CHRM3: variants seen among roughly 807,000 people sequenced by gnomAD.
The protein encoded by CHRM3 is cholinergic receptor muscarinic 3, also known as muscarinic acetylcholine receptor M3.
CHRM3 carries 11 observed loss-of-function variants against 41.8 expected under a neutral mutation model. The ratio of observed to expected loss-of-function variants is 0.26; its 90% CI spans 0.17 to 0.44. The LOEUF is 0.44. Among genes scored for constraint, CHRM3 ranks in the 20% least tolerant of loss-of-function variants. The pLI is 1.00. For missense variants in CHRM3, 571 were observed against 745.4 expected, an observed-to-expected ratio of 0.77 and a Z score of 2.72; for synonymous variants, 297 against 301.4, an observed-to-expected ratio of 0.99 and a Z score of 0.15.
At chr1:239,806,491 A>G (rs1670664547) in intron 5 of CHRM3, among the ~76,000 whole-genome samples, 1 of 152,074 alleles carries the variant, frequency 6.6e-6, no homozygotes, top group South Asian at 2.1e-4. Flanking sequence ...TTGGGAGCAG[A>G]TGGGTGTGCT....
intron 3 of CHRM3, among the ~76,000 whole-genome samples, chr1:239,561,027 C>T (rs1660806578): frequency 6.6e-6 from 1 of 152,138 alleles, no homozygotes; most frequent in African/African-American, 2.4e-5. Context: ...TTGAATCAGT[C>T]TCAGAACACA....
At chr1:239,711,994 C>T (rs1407547572) in intron 5 of CHRM3, among the ~76,000 whole-genome samples, 1 of 152,158 alleles carries the variant, frequency 6.6e-6, no homozygotes, top group East Asian at 1.9e-4. Flanking sequence ...TCCCCCCAGG[C>T]TTAGATGCCT....
chr1:239,417,274 G>A (rs1661566427), intron 1 of CHRM3, among the ~76,000 whole-genome samples: 1 of 152,168 alleles, frequency 6.6e-6, no homozygotes, highest in Admixed American at 6.5e-5. Context: ...TAGACTTCAT[G>A]GTAGCATAAG....
At chr1:239,513,121 G>A (rs948784878) in intron 2 of CHRM3, among the ~76,000 whole-genome samples, 1 of 152,152 alleles carries the variant, frequency 6.6e-6, no homozygotes, top group African/African-American at 2.4e-5. Context: ...AATACCAACA[G>A]ATTTTCCAAC....
At chr1:239,617,792 G>T (rs1208710641) in intron 3 of CHRM3, among the ~76,000 whole-genome samples, 1 of 152,122 alleles carries the variant, frequency 6.6e-6, no homozygotes, top group Non-Finnish European at 1.5e-5. Flanking sequence ...CACACTGTAC[G>T]TGGTGTAGAG....
chr1:239,816,559 C>A (rs1671603643), intron 5 of CHRM3, among the ~76,000 whole-genome samples: 1 of 152,026 alleles, frequency 6.6e-6, no homozygotes, highest in Admixed American at 6.6e-5. Flanking sequence ...GCTCCCCAGG[C>A]CTGCTTGCCC....
chr1:239,826,408 C>G (rs938764172), intron 5 of CHRM3, among the ~76,000 whole-genome samples: 2 of 152,060 alleles, frequency 1.3e-5, no homozygotes, highest in Non-Finnish European at 2.9e-5. Context: ...TGCAAAGTGA[C>G]TACCTAAGAC....
At position 239,827,386 on chromosome 1, in the gene CHRM3, C is replaced by T. The variant is rs993099519; in HGVS notation, c.-20+8C>T. On this transcript the variant is annotated splice_region_variant and intron_variant, in intron 6 of 6. Transcript: ENST00000676153. ...CTCAGTTCCTGGTAGATTGTAAGTA[C>T]ACAGAAGGCATTTTTTTAATTAAAA... 1 of 152,116 alleles carries T rather than the reference C, an allele frequency of 6.6e-6. No individual in the cohort carries two copies. The highest frequency in any genetic ancestry group is 1.5e-5 in the Non-Finnish European group (1 of 68,024). The allele number at this position is 152,116 out of a possible 1,614,324, so 9.4% of individuals were successfully genotyped here. A position where few individuals can be genotyped will look rare whatever the true frequency, so the allele number is the denominator to read the frequency against.
chr1:239,782,637 T>C (rs1668591790), intron 5 of CHRM3, among the ~76,000 whole-genome samples: 1 of 152,122 alleles, frequency 6.6e-6, no homozygotes, highest in Admixed American at 6.6e-5. Flanking sequence ...TTTATTATTA[T>C]TTCTTTTCTA....
intron 3 of CHRM3, among the ~76,000 whole-genome samples, chr1:239,580,704 T>TAC (rs1553332738): frequency 0.023 from 2,989 of 131,074 alleles, 189 homozygotes; most frequent in Non-Finnish European, 0.035. Flanking sequence ...TATATATATA[T>TAC]ACACACACAC....
intron 5 of CHRM3, among the ~76,000 whole-genome samples, chr1:239,696,290 T>A (rs1660181283): frequency 6.6e-6 from 1 of 152,188 alleles, no homozygotes. Flanking sequence ...AAAAGTGCTA[T>A]CTTTTGTAAA....
chr1:239,612,623 A>G (rs1472824656), intron 3 of CHRM3, among the ~76,000 whole-genome samples: 2 of 152,310 alleles, frequency 1.3e-5, no homozygotes, highest in East Asian at 1.9e-4. Context: ...CCTGCACTCC[A>G]AGAAGCAGTG....
intron 5 of CHRM3, among the ~76,000 whole-genome samples, chr1:239,735,773 G>C (rs191830362): frequency 6.6e-6 from 1 of 152,210 alleles, no homozygotes; most frequent in Admixed American, 6.6e-5. Flanking sequence ...TCCGAAAAAT[G>C]CTGATAAATT....
Position 239,580,206 on chromosome 1 carries a change from A to G in CHRM3, c.-313+34457A>G, listed in dbSNP as rs1662736003. ...ACAGTACTTTCCCTCTTGCCCCCAT[A>G]TTTTCCCAAGTCTTTTGTAACCAGT... On this transcript the variant is annotated intron_variant, in intron 3 of 6. Coordinates refer to ENST00000676153, the MANE Select transcript of CHRM3 (RefSeq NM_001375978.1). Among the ~76,000 whole-genome samples, 4 of 150,758 alleles carry G rather than the reference A, an allele frequency of 2.7e-5. No individual in the cohort carries two copies. The Admixed American group carries it at 2.7e-4, about 10-fold the overall frequency.
intron 5 of CHRM3, among the ~76,000 whole-genome samples, chr1:239,773,916 A>C (rs1667887173): frequency 6.6e-6 from 1 of 152,144 alleles, no homozygotes; most frequent in Non-Finnish European, 1.5e-5. Context: ...CCATTATCAG[A>C]TTGGCAGGTA....
chr1:239,388,577 A>G (rs1572125743), intron 1 of CHRM3, among the ~76,000 whole-genome samples: 1 of 152,234 alleles, frequency 6.6e-6, no homozygotes, highest in East Asian at 1.9e-4. Flanking sequence ...GACTATGAAC[A>G]TATAGTTCAG....
At chr1:239,897,523 C>T (rs1008420094) in intron 6 of CHRM3, among the ~76,000 whole-genome samples, 6 of 152,178 alleles carry the variant, frequency 3.9e-5, no homozygotes, top group Admixed American at 1.3e-4. Flanking sequence ...CTTTATCCTC[C>T]ACTATAAAGG....
At chr1:239,769,248 C>T (rs768129830) in intron 5 of CHRM3, among the ~76,000 whole-genome samples, 1 of 152,164 alleles carries the variant, frequency 6.6e-6, no homozygotes, top group Non-Finnish European at 1.5e-5. Context: ...CTGTGCCCGC[C>T]ACCGGCCTGG....
chr1:239,773,002 C>T (rs1667812937), intron 5 of CHRM3, among the ~76,000 whole-genome samples: 1 of 152,214 alleles, frequency 6.6e-6, no homozygotes, highest in Non-Finnish European at 1.5e-5. Context: ...CTGGTAAACA[C>T]TCATTCAATC....
Sources: allele counts gnomAD v4.1 joint callset (sites outside exome capture counted in the v4.1 genomes callset), GRCh38; gene constraint gnomAD v4.1.1; transcripts MANE v1.5; gene names NCBI Gene and HGNC (gene_info 2026-07-23, HGNC 2026-07-21).